Variants in GABRG3 observed in about 807,000 individuals in gnomAD.
GABRG3 encodes gamma-aminobutyric acid receptor subunit gamma-3.
Under a neutral mutation model 48.8 loss-of-function variants are expected in GABRG3, and 25 were observed. The observed-to-expected ratio is 0.51, with a 90% CI of 0.37 to 0.72. The LOEUF (loss-of-function observed/expected upper bound fraction) is 0.72. GABRG3 is among the 30% of genes least tolerant of loss of function. GABRG3 has a pLI of 0.00. For missense variants in GABRG3, 394 were observed against 577.9 expected (o/e 0.68, Z 3.26); for synonymous variants, 227 against 217.6 (o/e 1.04, Z -0.38).
chr15:27,000,204 A>G (rs1159319446), intron 2 of GABRG3, among the ~76,000 whole-genome samples: 1 of 152,100 alleles, frequency 6.6e-6, no homozygotes, highest in Non-Finnish European at 1.5e-5. Context: ...CTTTGTTGAC[A>G]TTTCAGACAC....
chr15:27,040,419 G>A (rs1052097116), intron 3 of GABRG3, among the ~76,000 whole-genome samples: 4 of 152,234 alleles, frequency 2.6e-5, no homozygotes, highest in Non-Finnish European at 5.9e-5. Flanking sequence ...GTTGCTGGGG[G>A]TTGGATGGGG....
At chr15:27,006,400 C>T (rs75692901) in intron 2 of GABRG3, among the ~76,000 whole-genome samples, 8,695 of 152,208 alleles carry the variant, frequency 0.057, 442 homozygotes, top group South Asian at 0.28. Context: ...TGGGGTCTCA[C>T]CATGTTGCCA....
At chr15:26,998,503 T>C (rs1895382272) in intron 2 of GABRG3, among the ~76,000 whole-genome samples, 1 of 152,162 alleles carries the variant, frequency 6.6e-6, no homozygotes, top group Non-Finnish European at 1.5e-5. Flanking sequence ...GCTTGTTCTT[T>C]CTGGCATGGA....
At chr15:27,350,125 A>G (rs186956373) in intron 5 of GABRG3, 42 of 456,000 alleles carry the variant, frequency 9.2e-5, no homozygotes, top group African/African-American at 8.2e-4. Context: ...TCACTTTCCC[A>G]GCCACCATCT....
chr15:27,232,286 T>C (rs541834808), intron 3 of GABRG3, among the ~76,000 whole-genome samples: 7 of 152,246 alleles, frequency 4.6e-5, no homozygotes, highest in Admixed American at 3.9e-4. Context: ...TTATAATAAC[T>C]CAGTACAATA....
chr15:27,103,055 T>C (rs1243250676), intron 3 of GABRG3, among the ~76,000 whole-genome samples: 1 of 152,212 alleles, frequency 6.6e-6, no homozygotes, highest in Non-Finnish European at 1.5e-5. Context: ...TTGTGAATTA[T>C]GAAACTAGTC....
intron 3 of GABRG3, among the ~76,000 whole-genome samples, chr15:27,157,293 T>A (rs906745641): frequency 3.3e-5 from 5 of 152,184 alleles, no homozygotes; most frequent in Non-Finnish European, 7.3e-5. Context: ...GGCACTGGAG[T>A]TTTATTCCCA....
rs910199349 is a variant in GABRG3, at chr15:27,447,702, A to T, written c.575-32948A>T. On this transcript the variant is annotated intron_variant, in intron 5 of 9. Coordinates refer to ENST00000615808, the MANE Select transcript of GABRG3 (RefSeq NM_033223.5). This position sits in a 1 kb window ranked among gnomAD's most constrained non-coding sequence, Gnocchi z 4.0. ...AAGGATGAGTTCATTTCCTTTGCAG[A>T]GACATGGATGACACTGGAAACCATC... is the stretch of plus-strand genomic sequence containing the variant. 2.0e-5 allele frequency among the ~76,000 whole-genome samples: 3 copies of T among 152,186 alleles called. No homozygotes were observed. Among genetic ancestry groups the T allele is most frequent in the Admixed American group, 2.0e-4 (3 of 15,272 alleles).
intron 3 of GABRG3, among the ~76,000 whole-genome samples, chr15:27,234,624 G>T (rs1889899782): frequency 6.6e-6 from 1 of 152,136 alleles, no homozygotes; most frequent in African/African-American, 2.4e-5. Flanking sequence ...CTGCTCCTGG[G>T]TACTGGTGCT....
chr15:27,515,388 C>A (rs8023625), intron 6 of GABRG3, among the ~76,000 whole-genome samples: 11,552 of 151,990 alleles, frequency 0.076, 1,485 homozygotes, highest in African/African-American at 0.26. Flanking sequence ...CCACCGCGAC[C>A]GGCTGGAACT....
chr15:27,045,518 T>C (rs1896347869), intron 3 of GABRG3, among the ~76,000 whole-genome samples: 1 of 152,190 alleles, frequency 6.6e-6, no homozygotes, highest in African/African-American at 2.4e-5. Context: ...ATGAAGGAAT[T>C]GATATATGCT....
intron 3 of GABRG3, among the ~76,000 whole-genome samples, chr15:27,308,338 A>G (rs1892802944): frequency 7.5e-6 from 1 of 132,508 alleles, no homozygotes; most frequent in Admixed American, 7.5e-5. Flanking sequence ...ATATATAAAC[A>G]TAATATAAAC....
At position 27,513,721 on chromosome 15, in the gene GABRG3, C is replaced by T. The variant is rs140873649; in HGVS notation, c.713-6251C>T. On this transcript the variant is annotated intron_variant, in intron 6 of 9. Transcript: ENST00000615808. ...AAAAAAATCCTGAAATGAAGGAAGA[C>T]GTGAATCTGCCAACCAGGTCCCAGG... is the stretch of plus-strand genomic sequence containing the variant. Among the ~76,000 whole-genome samples, 12 of 152,102 alleles carry T rather than the reference C, an allele frequency of 7.9e-5. No homozygotes were observed. The East Asian group carries it at 1.9e-3, about 24-fold the overall frequency.
chr15:27,029,587 T>TCTCCTTGGGTGAGTTGCTGTATGTC (rs1896046881), intron 3 of GABRG3, among the ~76,000 whole-genome samples: 2 of 152,154 alleles, frequency 1.3e-5, no homozygotes, highest in African/African-American at 4.8e-5. Flanking sequence ...ATTCCCATGT[T>TCTCCTTGGGTGAGTTGCTGTATGTC]CTCCTTGGGT....
intron 9 of GABRG3, among the ~76,000 whole-genome samples, chr15:27,530,361 T>C (rs1230304168): frequency 1.3e-5 from 2 of 152,168 alleles, no homozygotes; most frequent in African/African-American, 4.8e-5. Context: ...GAATCGTTAA[T>C]TAAAATCTCT....
intron 3 of GABRG3, among the ~76,000 whole-genome samples, chr15:27,151,696 G>A (rs543826329): frequency 3.9e-5 from 6 of 152,268 alleles, no homozygotes; most frequent in Admixed American, 6.5e-5. Context: ...AGAGGCCAGA[G>A]TGATTCTGTG....
chr15:27,234,520 G>A (rs1889896267), intron 3 of GABRG3, among the ~76,000 whole-genome samples: 2 of 152,166 alleles, frequency 1.3e-5, no homozygotes, highest in African/African-American at 4.8e-5. Context: ...CATGTAATAG[G>A]CAAGCTGTGT....
chr15:27,516,776 A>T (rs8038080), intron 6 of GABRG3, among the ~76,000 whole-genome samples: 84,971 of 152,066 alleles, frequency 0.56, 23,895 homozygotes, highest in East Asian at 0.67. Flanking sequence ...GAAAAGCCCC[A>T]ACTAGTCCAC....
chr15:27,517,782 G>A (rs1891058192), intron 6 of GABRG3, among the ~76,000 whole-genome samples: 1 of 152,034 alleles, frequency 6.6e-6, no homozygotes, highest in African/African-American at 2.4e-5. Context: ...ATTTCCTTAG[G>A]AAATGATGTA....
Sources: allele counts gnomAD v4.1 joint callset (sites outside exome capture counted in the v4.1 genomes callset), GRCh38; gene constraint gnomAD v4.1.1; non-coding constraint Gnocchi (gnomAD v3.1); transcripts MANE v1.5; gene names NCBI Gene and HGNC (gene_info 2026-07-23, HGNC 2026-07-21).